The following STAU2 variants were observed in gnomAD, a reference collection of about 807,000 sequenced individuals.
STAU2 encodes the protein double-stranded RNA-binding protein Staufen homolog 2.
A neutral mutation model predicts 65.9 loss-of-function variants in STAU2; 20 were observed. The observed-to-expected ratio is 0.30, with a 90% CI of 0.21 to 0.44. STAU2 has a LOEUF of 0.44. Among genes scored for constraint, STAU2 ranks in the 20% least tolerant of loss-of-function variants. The pLI, the probability that STAU2 is intolerant of heterozygous loss-of-function variation, is 1.00. For missense variants in STAU2, 558 were observed against 683.9 expected, an observed-to-expected ratio of 0.82 and a Z score of 2.05; for synonymous variants, 232 against 233.9, an observed-to-expected ratio of 0.99 and a Z score of 0.07.
chr8:73,603,085 TAAAAGA>T (rs1361267252), intron 10 of STAU2, among the ~76,000 whole-genome samples: 1 of 152,164 alleles, frequency 6.6e-6, no homozygotes, highest in African/African-American at 2.4e-5. Flanking sequence ...AATAAAAAAG[TAAAAGA>T]AAAATTTCTT....
chr8:73,732,895 G>C (rs1806167666), intron 3 of STAU2: 1 of 152,052 alleles, frequency 6.6e-6, no homozygotes, highest in Non-Finnish European at 1.5e-5. Flanking sequence ...AGTAGTACCA[G>C]CACCAATGCT....
chr8:73,738,126 C>T (rs535069931), intron 3 of STAU2, among the ~76,000 whole-genome samples, 158 bp downstream of exon 3: 73 of 152,240 alleles, frequency 4.8e-4, no homozygotes, highest in Non-Finnish European at 9.3e-4. Context: ...AAACAACCTG[C>T]CCTACACAGC....
chr8:73,606,053 A>T (rs963388496), intron 9 of STAU2, among the ~76,000 whole-genome samples: 1 of 152,090 alleles, frequency 6.6e-6, no homozygotes, highest in Non-Finnish European at 1.5e-5. Flanking sequence ...GCCAAACCTC[A>T]TAACATTTAT....
chr8:73,688,621 C>G (rs762721426), intron 5 of STAU2, 33 bp downstream of exon 5: 1 of 1,612,458 alleles, frequency 6.2e-7, no homozygotes, highest in Admixed American at 1.7e-5. Context: ...ACACACATAG[C>G]AGACAACATA....
intron 13 of STAU2, among the ~76,000 whole-genome samples, chr8:73,436,706 C>T (rs1817720874): frequency 6.6e-6 from 1 of 152,074 alleles, no homozygotes; most frequent in Admixed American, 6.6e-5. Flanking sequence ...CCCTCCTCAG[C>T]CTCCCAAGTA....
At chr8:73,573,286 A>C (rs1809251245) in intron 12 of STAU2, among the ~76,000 whole-genome samples, 1 of 152,266 alleles carries the variant, frequency 6.6e-6, no homozygotes, top group Non-Finnish European at 1.5e-5. Context: ...TTCCATGCTC[A>C]TGGATAGGAA....
At chr8:73,702,511 T>C (rs955912037) in intron 4 of STAU2, among the ~76,000 whole-genome samples, 3 of 152,148 alleles carry the variant, frequency 2.0e-5, no homozygotes, top group African/African-American at 7.2e-5. Flanking sequence ...ATATCTCATG[T>C]ACTTCATAAA....
intron 13 of STAU2, among the ~76,000 whole-genome samples, chr8:73,546,738 A>G (rs530008182): frequency 2.6e-5 from 4 of 152,156 alleles, no homozygotes; most frequent in African/African-American, 4.8e-5. Flanking sequence ...GGAAAAAAAA[A>G]TCTCCTTAGA....
intron 13 of STAU2, among the ~76,000 whole-genome samples, chr8:73,487,517 C>T (rs1400837752): frequency 6.6e-6 from 1 of 152,078 alleles, no homozygotes; most frequent in Admixed American, 6.6e-5. Flanking sequence ...CAGAAGTGCC[C>T]TTCCATTTGA....
intron 13 of STAU2, among the ~76,000 whole-genome samples, chr8:73,495,940 A>G (rs1237663379): frequency 6.6e-6 from 1 of 151,380 alleles, no homozygotes; most frequent in African/African-American, 2.4e-5. Context: ...TCTCTTTTAT[A>G]AACACATTTT....
chr8:73,503,876 G>C (rs1441235619), intron 13 of STAU2, among the ~76,000 whole-genome samples: 1 of 152,012 alleles, frequency 6.6e-6, no homozygotes, highest in East Asian at 1.9e-4. Flanking sequence ...GACAGTCCCA[G>C]GGGCCTGACC....
chr8:73,607,456 G>A (rs937892330), intron 9 of STAU2, among the ~76,000 whole-genome samples: 6 of 152,000 alleles, frequency 3.9e-5, no homozygotes, highest in African/African-American at 1.5e-4. Context: ...CAGGCCGGGC[G>A]TGATGGCTCA....
chr8:73,651,462 AG>A (rs756541169), intron 6 of STAU2: 9 of 676,864 alleles, frequency 1.3e-5, no homozygotes, highest in Non-Finnish European at 2.2e-5. Context: ...CGGCAAATGC[AG>A]GACTCCCAGC....
chr8:73,680,239 G>A (rs1818337238), intron 5 of STAU2, among the ~76,000 whole-genome samples: 2 of 152,090 alleles, frequency 1.3e-5, no homozygotes, highest in Admixed American at 1.3e-4. Context: ...GAAGGGCAAG[G>A]CCTGAAAGCC....
chr8:73,532,402 T>C (rs1022288465), intron 13 of STAU2, among the ~76,000 whole-genome samples: 1 of 151,852 alleles, frequency 6.6e-6, no homozygotes. Flanking sequence ...TAAATGAGAG[T>C]CTGGGATGAG....
At chr8:73,673,536 T>C (rs1376557941) in intron 5 of STAU2, among the ~76,000 whole-genome samples, 1 of 152,156 alleles carries the variant, frequency 6.6e-6, no homozygotes, top group African/African-American at 2.4e-5. Context: ...ACCGTGAATA[T>C]TATTTTTTAA....
chr8:73,545,412 T>G (rs757378976), intron 13 of STAU2, among the ~76,000 whole-genome samples: 16 of 152,116 alleles, frequency 1.1e-4, no homozygotes, highest in Non-Finnish European at 2.1e-4. Context: ...GTTTTTCAAG[T>G]ATGTGTTTTC....
chr8:73,439,074 C>CAA, intron 13 of STAU2: 1 of 456,384 alleles, frequency 2.2e-6, no homozygotes, highest in South Asian at 1.5e-5. Flanking sequence ...CTGGACTTCC[C>CAA]AGGGGGTTCT....
At chr8:73,735,054 C>T (rs892119470) in intron 3 of STAU2, among the ~76,000 whole-genome samples, 4 of 152,166 alleles carry the variant, frequency 2.6e-5, no homozygotes, top group African/African-American at 7.2e-5. Context: ...CCACCCCAGC[C>T]TCCCAAGTAG....
Sources: allele counts gnomAD v4.1 joint callset (sites outside exome capture counted in the v4.1 genomes callset), GRCh38; gene constraint gnomAD v4.1.1; transcripts MANE v1.5; gene names NCBI Gene and HGNC (gene_info 2026-07-23, HGNC 2026-07-21).